SH3PXD2A: variants seen among roughly 807,000 people sequenced by gnomAD.
SH3PXD2A encodes SH3 and PX domains 2A.
SH3PXD2A carries 32 observed loss-of-function variants against 115.2 expected under a neutral mutation model. The observed-to-expected ratio is 0.28, with a 90% CI of 0.21 to 0.37. The LOEUF is 0.37. Among genes scored for constraint, SH3PXD2A ranks in the 10% least tolerant of loss-of-function variants. SH3PXD2A has a pLI of 1.00. For missense variants in SH3PXD2A, 1,328 were observed against 1,498.7 expected (o/e 0.89, Z 1.88); for synonymous variants, 610 against 629.1 (o/e 0.97, Z 0.45).
chr10:103,659,028 C>T (rs773189420), intron 8 of SH3PXD2A, among the ~76,000 whole-genome samples: 3 of 152,208 alleles, frequency 2.0e-5, no homozygotes, highest in Non-Finnish European at 2.9e-5. Context: ...CCGTGGGGAG[C>T]TGGGGTGCCT....
chr10:103,684,093 T>C (rs2037645548), intron 6 of SH3PXD2A, among the ~76,000 whole-genome samples: 1 of 152,222 alleles, frequency 6.6e-6, no homozygotes, highest in South Asian at 2.1e-4. Context: ...AGCCCAGCTC[T>C]GCTAGTGCCC....
At chr10:103,810,952 G>GCACA (rs71476608) in intron 1 of SH3PXD2A, among the ~76,000 whole-genome samples, 2,086 of 19,936 alleles carry the variant, frequency 0.1, 79 homozygotes, top group East Asian at 0.3. Flanking sequence ...GCGCGCGCGC[G>GCACA]CACACACACA....
At chr10:103,773,690 C>T (rs1378390176) in intron 2 of SH3PXD2A, among the ~76,000 whole-genome samples, 1 of 152,182 alleles carries the variant, frequency 6.6e-6, no homozygotes, top group Non-Finnish European at 1.5e-5. Context: ...ATCTGCCTGC[C>T]TCAGCCTCCC....
intron 3 of SH3PXD2A, among the ~76,000 whole-genome samples, chr10:103,741,497 C>A (rs1231651811): frequency 6.6e-6 from 1 of 152,184 alleles, no homozygotes; most frequent in African/African-American, 2.4e-5. Context: ...CTCCTCAGGA[C>A]CCCCTCTCAT....
rs950932928 is a variant in SH3PXD2A at position 103,667,654 on chromosome 10, C to A, written c.472+954G>T. Among the ~76,000 whole-genome samples, 4 of 152,232 alleles carry A rather than the reference C, an allele frequency of 2.6e-5. No individual in the cohort carries two copies. In the East Asian group the frequency reaches 7.7e-4, roughly 29 times the overall value. Reference sequence around the variant, plus strand: ...GCAGCAGTAGGGGCTGGGCTTTGGGCTCTAAACACTGGGGCTGGCCCAGCC... The same window carrying A: ...GCAGCAGTAGGGGCTGGGCTTTGGGATCTAAACACTGGGGCTGGCCCAGCC... On this transcript the variant is annotated intron_variant, in intron 7 of 14. Transcript: ENST00000369774.
At chr10:103,676,541 C>T (rs1194415199) in intron 6 of SH3PXD2A, among the ~76,000 whole-genome samples, 2 of 152,162 alleles carry the variant, frequency 1.3e-5, no homozygotes, top group African/African-American at 2.4e-5. Context: ...AGGGGCTGCC[C>T]TGGCAGGGAG....
At chr10:103,604,968 G>C (rs530966310) in intron 14 of SH3PXD2A, among the ~76,000 whole-genome samples, 1 of 152,330 alleles carries the variant, frequency 6.6e-6, no homozygotes, top group South Asian at 2.1e-4. Flanking sequence ...GAGTCTGACA[G>C]GTTCACTTGT....
chr10:103,782,208 G>A (rs1589452427), intron 2 of SH3PXD2A, among the ~76,000 whole-genome samples: 1 of 152,214 alleles, frequency 6.6e-6, no homozygotes, highest in East Asian at 1.9e-4. Flanking sequence ...GCTACTCAAG[G>A]CAGACTGTGG....
chr10:103,646,163 G>A (rs1361178466), intron 8 of SH3PXD2A, among the ~76,000 whole-genome samples: 1 of 152,122 alleles, frequency 6.6e-6, no homozygotes, highest in Admixed American at 6.5e-5. Flanking sequence ...TCTAACTTGA[G>A]CCCTAAATCC....
intron 4 of SH3PXD2A, among the ~76,000 whole-genome samples, chr10:103,728,979 C>T (rs1392954350): frequency 6.6e-6 from 1 of 151,394 alleles, no homozygotes; most frequent in Non-Finnish European, 1.5e-5. Context: ...TGCAGCCTCC[C>T]CCTCGCCGGG....
In SH3PXD2A at chr10:103,692,478, G is replaced by A. The variant is rs568364533; in HGVS notation, c.427+550C>T. Among the ~76,000 whole-genome samples the A allele has an allele frequency of 9.6e-4, 146 of 152,324 alleles. 1 individual carries two copies. Among genetic ancestry groups the A allele is most frequent in the African/African-American group, 3.3e-3 (138 of 41,582 alleles). On this transcript the variant is annotated intron_variant, in intron 6 of 14. Transcript: ENST00000369774. ...GCCCCCACCTCCGCAGCAAGGACAC[G>A]CTCAGAGTTGGGGCAGGGAAGAAGG...
chr10:103,837,158 C>CT (rs1319634859), intron 1 of SH3PXD2A, among the ~76,000 whole-genome samples: 11 of 152,196 alleles, frequency 7.2e-5, no homozygotes, highest in African/African-American at 2.2e-4. Context: ...CTTCAGCCCT[C>CT]TATTCTTTTA....
intron 6 of SH3PXD2A, among the ~76,000 whole-genome samples, chr10:103,684,357 G>A (rs2037648449): frequency 7.1e-6 from 1 of 140,116 alleles, no homozygotes; most frequent in African/African-American, 2.5e-5. Flanking sequence ...TTTTCAGGTA[G>A]ACTAACCCTT....
intron 1 of SH3PXD2A, among the ~76,000 whole-genome samples, chr10:103,846,529 C>T (rs4918060): frequency 0.87 from 132,222 of 152,118 alleles, 58,662 homozygotes; most frequent in East Asian, 0.99. Context: ...TGTATAGCAT[C>T]CCTGCCCTAG....
chr10:103,626,627 A>G (rs2036699306), intron 9 of SH3PXD2A, among the ~76,000 whole-genome samples: 3 of 143,056 alleles, frequency 2.1e-5, no homozygotes, highest in African/African-American at 7.7e-5. Flanking sequence ...AAAGAAAAAG[A>G]AAAAAAAAAA....
chr10:103,787,443 C>A (rs1308370038), intron 2 of SH3PXD2A, among the ~76,000 whole-genome samples: 1 of 152,230 alleles, frequency 6.6e-6, no homozygotes, highest in Non-Finnish European at 1.5e-5. Flanking sequence ...GACTGCCTGG[C>A]CCCAGTCTCT....
chr10:103,606,124 C>T (rs904423913), intron 13 of SH3PXD2A, among the ~76,000 whole-genome samples: 2 of 152,016 alleles, frequency 1.3e-5, no homozygotes, highest in Admixed American at 6.6e-5. Context: ...TAATAATACT[C>T]AGGACTCACG....
chr10:103,717,322 G>A (rs1395262722), intron 5 of SH3PXD2A, among the ~76,000 whole-genome samples: 4 of 152,204 alleles, frequency 2.6e-5, no homozygotes, highest in African/African-American at 4.8e-5. Context: ...AGAGATGTGG[G>A]TTCCTTGGTG....
At chr10:103,721,904 A>T (rs2038186766) in intron 5 of SH3PXD2A, among the ~76,000 whole-genome samples, 1 of 152,012 alleles carries the variant, frequency 6.6e-6, no homozygotes, top group Admixed American at 6.5e-5. Flanking sequence ...CAGGTGGGAG[A>T]AACAGATGAA....
Sources: gnomAD v4.1 joint callset for allele counts (sites outside exome capture counted in the v4.1 genomes callset) on GRCh38, gnomAD v4.1.1 for gene constraint, MANE v1.5 for transcripts, NCBI Gene and HGNC (gene_info 2026-07-23, HGNC 2026-07-21) for gene names.